Variants in RYR3 observed in about 807,000 individuals in gnomAD.
The protein encoded by RYR3 is brain ryanodine receptor-calcium release channel.
A neutral mutation model predicts 584.3 loss-of-function variants in RYR3; 207 were observed. That is an observed-to-expected ratio of 0.35 (90% CI 0.32 to 0.40). The LOEUF is 0.40. Ranked by LOEUF, RYR3 falls within the 10% of genes least tolerant of loss-of-function variation. RYR3 has a pLI of 1.00. For missense variants in RYR3, 5,616 were observed against 6,089.2 expected (o/e 0.92, Z 2.59); for synonymous variants, 2,416 against 2,248.5 (o/e 1.07, Z -2.11).
rs1487327142 is a variant in RYR3 at position 33,843,046 on chromosome 15, A to C, written c.13210-442A>C. 2.0e-5 allele frequency among the ~76,000 whole-genome samples: 3 copies of C among 152,214 alleles called. No individual in the cohort carries two copies. In the East Asian group the frequency reaches 5.8e-4, roughly 29 times the overall value. ...TTAAGAATGCCAGGGTTGGCCGGGC[A>C]CGGTGGCTCACGCCTGTAATCCCAG... On this transcript the variant is annotated intron_variant, in intron 91 of 103. Transcript: ENST00000634891.
Position 33,805,683 on chromosome 15 carries a change from T to C in RYR3, c.10012-1872T>C, listed in dbSNP as rs551731626. The stretch of plus-strand genomic sequence containing the variant: ...TAGTAGAGACAGGGTTTCACTGTGT[T>C]AGCCAGGATGGTCTCGATCTCCTGA... On this transcript the variant is annotated intron_variant, in intron 69 of 103. Coordinates refer to ENST00000634891, the MANE Select transcript of RYR3 (RefSeq NM_001036.6). Among the ~76,000 whole-genome samples the C allele has an allele frequency of 3.5e-3, 526 of 151,814 alleles. 1 individual carries two copies. The highest frequency in any genetic ancestry group is 4.7e-3 in the Non-Finnish European group (317 of 67,902).
intron 1 of RYR3, among the ~76,000 whole-genome samples, chr15:33,360,467 A>G (rs1974607944): frequency 6.6e-6 from 1 of 152,078 alleles, no homozygotes; most frequent in African/African-American, 2.4e-5. Context: ...ATTCCTTTTC[A>G]TTACTGAGTA....
chr15:33,847,952 C>T (rs1162205513), intron 93 of RYR3, among the ~76,000 whole-genome samples: 1 of 152,176 alleles, frequency 6.6e-6, no homozygotes, highest in Non-Finnish European at 1.5e-5. Flanking sequence ...GGTTCAACTC[C>T]AGCCGAGGAG....
Position 33,597,602 on chromosome 15 carries a change from G to C in RYR3, c.1789-3817G>C, listed in dbSNP as rs1036907326. Among the ~76,000 whole-genome samples, 3 of 138,608 alleles carry C rather than the reference G, an allele frequency of 2.2e-5. No homozygotes were observed. In the South Asian group the frequency reaches 7.1e-4, roughly 33 times the overall value. 90.9% of individuals were successfully genotyped at this position (138,608 alleles called of 152,430 possible). ...CTCCAGCCTGGGCGACAGTGCAACA[G>C]TGTGAGACTCTGTCTCAAAAAAAAA... On this transcript the variant is annotated intron_variant, in intron 16 of 103. Coordinates refer to ENST00000634891, the MANE Select transcript of RYR3 (RefSeq NM_001036.6).
At chr15:33,864,861 G>C (rs188021543) in intron 103 of RYR3, 1 of 407,698 alleles carries the variant, frequency 2.5e-6, no homozygotes, top group East Asian at 4.0e-5. Context: ...CTTTAAGTAT[G>C]TTTAGTGGCA....
At chr15:33,483,525 C>G (rs1007031955) in intron 2 of RYR3, among the ~76,000 whole-genome samples, 1 of 152,036 alleles carries the variant, frequency 6.6e-6, no homozygotes, top group African/African-American at 2.4e-5. Flanking sequence ...TAAATTTTGC[C>G]CTTAGTTCTA....
chr15:33,441,595 G>C (rs1383022534), intron 1 of RYR3, among the ~76,000 whole-genome samples: 1 of 151,866 alleles, frequency 6.6e-6, no homozygotes, highest in Non-Finnish European at 1.5e-5. Context: ...TCTAGACTCT[G>C]AGACACTTAA....
At chr15:33,466,957 A>T (rs1352028556) in intron 1 of RYR3, among the ~76,000 whole-genome samples, 1 of 152,240 alleles carries the variant, frequency 6.6e-6, no homozygotes, top group Non-Finnish European at 1.5e-5. Context: ...ACACACAAGT[A>T]AACGACCTTG....
chr15:33,582,704 G>A (rs933275576), intron 14 of RYR3, among the ~76,000 whole-genome samples: 4 of 152,156 alleles, frequency 2.6e-5, no homozygotes, highest in African/African-American at 9.7e-5. Context: ...GCTATGGCTT[G>A]AGACCCAGCA....
At position 33,311,127 on chromosome 15, in the gene RYR3, G is replaced by T. The variant is rs769733515; in HGVS notation, c.51+31G>T. ...TCTCCGCGGCGGGGGCGAGGCCGTG[G>T]GCAGGTGGGGAGGAGCGCGGAGCGC... On this transcript the variant is annotated intron_variant, in intron 1 of 103. Coordinates refer to ENST00000634891, the MANE Select transcript of RYR3 (RefSeq NM_001036.6). This position sits in a 1 kb window ranked among gnomAD's most constrained non-coding sequence, Gnocchi z 4.4. 68 of 1,541,650 alleles carry T rather than the reference G, an allele frequency of 4.4e-5. No homozygotes were observed. The highest frequency in any genetic ancestry group is 5.6e-5 in the Admixed American group (3 of 53,756).
rs368153992 is a variant in RYR3, at chr15:33,738,536, G to A, written c.7602G>A (p.Glu2534=). The A allele has an allele frequency of 1.5e-5, 25 of 1,613,892 alleles. No individual in the cohort carries two copies. The African/African-American group carries it at 2.9e-4, about 19-fold the overall frequency. The change falls in exon 50 of 104, where the codon GAG becomes GAA. Residue 2534 remains glutamate, a synonymous_variant. Transcript: ENST00000634891. ...WGSYGLAVEE[E]LHLTEKLFWG... ...GCTACGGGCTAGCTGTGGAAGAAGA[G>A]CTGCACCTAACGGAGAAGCTTTTCT...
In RYR3 at chr15:33,581,013, A is replaced by G. The variant is rs147192813; in HGVS notation, c.1438-495A>G. Among the ~76,000 whole-genome samples, 700 of 113,020 alleles carry G rather than the reference A, an allele frequency of 6.2e-3. 9 individuals carry two copies. Among genetic ancestry groups the G allele is most frequent in the Middle Eastern group, 0.031 (3 of 96 alleles). 74.1% of individuals were successfully genotyped at this position (113,020 alleles called of 152,430 possible). The stretch of plus-strand genomic sequence containing the variant: ...TGGTTGAAGATCCTCTTGTACTGCT[A>G]TTGTCTCTAAATCCCCTTTTTTTGC... On this transcript the variant is annotated intron_variant, in intron 13 of 103. Coordinates refer to ENST00000634891, the MANE Select transcript of RYR3 (RefSeq NM_001036.6).
intron 18 of RYR3, among the ~76,000 whole-genome samples, chr15:33,605,134 A>C (rs1447883751): frequency 1.3e-5 from 2 of 152,210 alleles, no homozygotes; most frequent in African/African-American, 2.4e-5. Flanking sequence ...AATCATTCTC[A>C]AAGGAAAAAA....
At position 33,837,972 on chromosome 15, in the gene RYR3, T is replaced by C. The variant is rs1377742527; in HGVS notation, c.11992T>C (p.Leu3998=). 1.9e-6 allele frequency: 3 copies of C among 1,614,050 alleles called. No homozygotes were observed. The highest frequency in any genetic ancestry group is 2.7e-5 in the African/African-American group (2 of 75,056). ...KDIGFNVAVL[L]TNLSEHMPND... Reference sequence around the variant, plus strand: ...CATAGGGTTTAATGTGGCTGTGTTATTGACAAATCTTTCTGAACACATGCC... The same window carrying C: ...CATAGGGTTTAATGTGGCTGTGTTACTGACAAATCTTTCTGAACACATGCC... The change falls in exon 89 of 104, where the codon TTG becomes CTG. Residue 3998 remains leucine, a synonymous_variant. Coordinates refer to ENST00000634891, the MANE Select transcript of RYR3 (RefSeq NM_001036.6).
At chr15:33,386,896 C>T (rs559072162) in intron 1 of RYR3, among the ~76,000 whole-genome samples, 1 of 151,796 alleles carries the variant, frequency 6.6e-6, no homozygotes, top group Non-Finnish European at 1.5e-5. Flanking sequence ...CTTGCTCTGT[C>T]GCCCGGGCTG....
At chr15:33,721,031 T>TA (rs2067868214) in intron 43 of RYR3, among the ~76,000 whole-genome samples, 1 of 152,246 alleles carries the variant, frequency 6.6e-6, no homozygotes, top group Non-Finnish European at 1.5e-5. Context: ...CCTTTACATG[T>TA]AAGCTGGACT....
At chr15:33,361,890 C>G (rs1255475998) in intron 1 of RYR3, among the ~76,000 whole-genome samples, 3 of 152,166 alleles carry the variant, frequency 2.0e-5, no homozygotes, top group Non-Finnish European at 4.4e-5. Context: ...GACTGTGATG[C>G]TTGTTGTCAG....
intron 1 of RYR3, among the ~76,000 whole-genome samples, chr15:33,362,339 T>C (rs1974882829): frequency 1.3e-5 from 2 of 152,064 alleles, no homozygotes; most frequent in East Asian, 1.9e-4. Context: ...TGAACTAATG[T>C]GTGTAAAGCG....
chr15:33,553,280 G>A (rs1025580), intron 10 of RYR3, among the ~76,000 whole-genome samples: 9,306 of 152,186 alleles, frequency 0.061, 879 homozygotes, highest in African/African-American at 0.2. Context: ...GTGCTGGGCC[G>A]TGAGTCATTT....
Sources: gnomAD v4.1 joint callset for allele counts (sites outside exome capture counted in the v4.1 genomes callset) on GRCh38, gnomAD v4.1.1 for gene constraint, Gnocchi (gnomAD v3.1) non-coding constraint, MANE v1.5 for transcripts, NCBI Gene and HGNC (gene_info 2026-07-23, HGNC 2026-07-21) for gene names.